Variants in PEAK1 observed in about 807,000 individuals in gnomAD.
The protein encoded by PEAK1 is inactive tyrosine-protein kinase PEAK1.
A neutral mutation model predicts 124.7 loss-of-function variants in PEAK1; 54 were observed. The observed-to-expected ratio is 0.43, with a 90% CI of 0.35 to 0.54. PEAK1 has a LOEUF of 0.54. Among genes scored for constraint, PEAK1 ranks in the 20% least tolerant of loss-of-function variants. The pLI is 0.01. For synonymous variants in PEAK1, 719 were observed against 760.0 expected (o/e 0.95, Z 0.89); for missense variants, 2,046 against 2,134.5 (o/e 0.96, Z 0.82).
chr15:77,283,002 A>G (rs1249419924), intron 5 of PEAK1, among the ~76,000 whole-genome samples: 2 of 152,216 alleles, frequency 1.3e-5, no homozygotes, highest in African/African-American at 4.8e-5. Flanking sequence ...TCAAGTCTGT[A>G]TCAAATATCA....
chr15:77,352,528 A>T, intron 2 of PEAK1: 1 of 977,510 alleles, frequency 1.0e-6, no homozygotes, highest in South Asian at 4.7e-5. Flanking sequence ...AAATACATAC[A>T]TTTTAAATTT....
Position 77,180,800 on chromosome 15 carries a change from T to G in PEAK1, c.1127A>C (p.Asp376Ala), listed in dbSNP as rs2057215111. 1 of 1,613,870 alleles carries G rather than the reference T, an allele frequency of 6.2e-7. No individual in the cohort carries two copies. Reference protein sequence around the residue: ...NGGLSPGNPGDSKDMKEIEPN... With the variant: ...NGGLSPGNPGASKDMKEIEPN... ...CTCAATTTCCTTCATGTCCTTAGAA[T>G]CTCCTGGGTTACCAGGAGATAATCC... Residue 376 changes from aspartate (D) to alanine (A), a missense_variant, in exon 7 of 10, where the codon GAT (aspartate) becomes GCT (alanine). Coordinates refer to ENST00000682557, the MANE Select transcript of PEAK1 (RefSeq NM_001385026.1).
rs575180246 is a variant in PEAK1, at chr15:77,257,987, C to T, written c.-274-5461G>A. On this transcript the variant is annotated intron_variant, in intron 5 of 9. Coordinates refer to ENST00000682557, the MANE Select transcript of PEAK1 (RefSeq NM_001385026.1). ...CATCACCATTTATTAAATAGGGAATCCTTTCCCCATTGCTTGTTTTTCTCA... is the reference window on the plus strand; with the variant it reads ...CATCACCATTTATTAAATAGGGAATTCTTTCCCCATTGCTTGTTTTTCTCA... Among the ~76,000 whole-genome samples, 5 of 152,280 alleles carry T rather than the reference C, an allele frequency of 3.3e-5. No individual in the cohort carries two copies. In the South Asian group the frequency reaches 1.0e-3, roughly 32 times the overall value.
intron 1 of PEAK1, chr15:77,418,372 T>C (rs2073060740): frequency 1.0e-6 from 1 of 985,126 alleles, no homozygotes; most frequent in Non-Finnish European, 1.2e-6. Context: ...GTAGTCATGT[T>C]AGAGAATCCA....
At chr15:77,259,118 A>T (rs906868056) in intron 5 of PEAK1, among the ~76,000 whole-genome samples, 1 of 152,174 alleles carries the variant, frequency 6.6e-6, no homozygotes, top group Admixed American at 6.5e-5. Context: ...AAATGCCTAC[A>T]AAGCCCAAAA....
intron 2 of PEAK1, among the ~76,000 whole-genome samples, chr15:77,313,652 A>ATGTGTGTGTGTGTG (rs775220459): frequency 2.5e-4 from 23 of 90,582 alleles, no homozygotes; most frequent in South Asian, 7.5e-4. Flanking sequence ...GTATGTATGT[A>ATGTGTGTGTGTGTG]TGTGTGTGTG....
At chr15:77,352,707 T>G in intron 2 of PEAK1, 15 of 954,900 alleles carry the variant, frequency 1.6e-5, no homozygotes, top group Non-Finnish European at 1.9e-5. Flanking sequence ...ATTTAATGTT[T>G]CAAGAAGATT....
chr15:77,313,526 G>C (rs1316062186), intron 2 of PEAK1, among the ~76,000 whole-genome samples: 2 of 151,534 alleles, frequency 1.3e-5, no homozygotes, highest in Non-Finnish European at 1.5e-5. Context: ...GAGTGCAATG[G>C]CGCGAACTCG....
At chr15:77,281,829 C>T (rs938980095) in intron 5 of PEAK1, among the ~76,000 whole-genome samples, 5 of 152,092 alleles carry the variant, frequency 3.3e-5, no homozygotes, top group African/African-American at 1.2e-4. Context: ...CCGATAAATT[C>T]AAATAACTGG....
intron 2 of PEAK1, chr15:77,332,480 G>C (rs745672791): frequency 1.9e-5 from 3 of 157,690 alleles, no homozygotes; most frequent in Non-Finnish European, 4.1e-5. Context: ...GGTGCCTGTA[G>C]TCCCAGCTAC....
Position 77,283,932 on chromosome 15 carries a change from T to C in PEAK1, c.-324A>G. The C allele has an allele frequency of 1.0e-6, 1 of 982,432 alleles. No individual in the cohort carries two copies. Among genetic ancestry groups the C allele is most frequent in the Non-Finnish European group, 1.2e-6 (1 of 827,152 alleles). 60.9% of individuals were successfully genotyped at this position (982,432 alleles called of 1,614,324 possible). On this transcript the variant is annotated 5_prime_UTR_variant, in exon 5 of 10. The change abolishes the stop of an existing upstream ORF in the 5' untranslated region. Transcript: ENST00000682557. ...GCTGTAGTCATTACTACTTTCATATTAGAAAATGTTTGTTTCTCCTTCTTG... is the reference window on the plus strand; with the variant it reads ...GCTGTAGTCATTACTACTTTCATATCAGAAAATGTTTGTTTCTCCTTCTTG...
At chr15:77,233,887 A>AT (rs1226171494) in intron 6 of PEAK1, among the ~76,000 whole-genome samples, 6 of 152,130 alleles carry the variant, frequency 3.9e-5, no homozygotes, top group African/African-American at 1.4e-4. Flanking sequence ...TTTGAAAGAC[A>AT]TAGGGTCTCA....
In PEAK1 at chr15:77,257,802, T is replaced by C. The variant is rs865957473; in HGVS notation, c.-274-5276A>G. On this transcript the variant is annotated intron_variant, in intron 5 of 9. Transcript: ENST00000682557. Reference sequence around the variant, plus strand: ...GTGTTTTAGACATGAAGTCCTTGCCTGTGCCTATGTCCTGAATGGTAAGGC... The same window carrying C: ...GTGTTTTAGACATGAAGTCCTTGCCCGTGCCTATGTCCTGAATGGTAAGGC... Among the ~76,000 whole-genome samples the C allele has an allele frequency of 5.5e-4, 81 of 147,902 alleles. 1 individual carries two copies. Among genetic ancestry groups the C allele is most frequent in the Admixed American group, 2.2e-3 (33 of 14,796 alleles).
chr15:77,311,970 G>C (rs991692615), intron 2 of PEAK1, among the ~76,000 whole-genome samples: 2 of 152,108 alleles, frequency 1.3e-5, no homozygotes, highest in Non-Finnish European at 2.9e-5. Flanking sequence ...AGTGTGGGGA[G>C]GGATGAACAC....
chr15:77,380,719 T>A (rs1258924840), intron 1 of PEAK1, among the ~76,000 whole-genome samples: 1 of 152,082 alleles, frequency 6.6e-6, no homozygotes, highest in Non-Finnish European at 1.5e-5. Context: ...GCTCAAGTGA[T>A]CCATCCACCT....
intron 6 of PEAK1, among the ~76,000 whole-genome samples, chr15:77,221,367 G>A (rs543544454): frequency 6.6e-6 from 1 of 152,052 alleles, no homozygotes; most frequent in Admixed American, 6.6e-5. Flanking sequence ...GAGGTGAAAG[G>A]GTAGTGCATT....
chr15:77,333,191 C>T (rs1430687296), intron 2 of PEAK1: 2 of 929,386 alleles, frequency 2.2e-6, no homozygotes, highest in Non-Finnish European at 2.6e-6. Context: ...CACTTTATTG[C>T]TCAGGCTGGT....
chr15:77,289,574 G>A (rs1188553823), intron 2 of PEAK1, among the ~76,000 whole-genome samples: 1 of 152,160 alleles, frequency 6.6e-6, no homozygotes, highest in South Asian at 2.1e-4. Flanking sequence ...AGTGCCTCAC[G>A]CCTGTAATCC....
intron 2 of PEAK1, chr15:77,334,299 C>T: frequency 1.0e-6 from 1 of 985,196 alleles, no homozygotes; most frequent in Non-Finnish European, 1.2e-6. Context: ...AATAGTAATG[C>T]TGTCTTCTCT....
Sources: allele counts gnomAD v4.1 joint callset (sites outside exome capture counted in the v4.1 genomes callset), GRCh38; gene constraint gnomAD v4.1.1; transcripts MANE v1.5; gene names NCBI Gene and HGNC (gene_info 2026-07-23, HGNC 2026-07-21).